SEMA3E: variants seen among roughly 807,000 people sequenced by gnomAD.
SEMA3E encodes the protein semaphorin-3E.
In SEMA3E, 49 loss-of-function variants were observed where a neutral mutation model predicts 93.6. That is an observed-to-expected ratio of 0.52 (90% confidence interval 0.42 to 0.66). The LOEUF is 0.66. Among genes scored for constraint, SEMA3E ranks in the 30% least tolerant of loss-of-function variants. The probability of loss-of-function intolerance (pLI) is 0.00; values close to 1 mark genes in which losing one functional copy is unlikely to be tolerated. For synonymous variants in SEMA3E, 363 were observed against 330.7 expected (o/e 1.10, Z -1.06); for missense variants, 906 against 964.8 (o/e 0.94, Z 0.81).
chr7:83,592,704 G>A (rs1333836921), intron 1 of SEMA3E, among the ~76,000 whole-genome samples: 1 of 152,102 alleles, frequency 6.6e-6, no homozygotes, highest in Non-Finnish European at 1.5e-5. Context: ...CTCAACTGAA[G>A]GTACCAAATT....
rs142140201 is a variant in SEMA3E, at chr7:83,374,098, C to T, written c.1876-6060G>A. Among the ~76,000 whole-genome samples, 20 of 149,298 alleles carry T rather than the reference C, an allele frequency of 1.3e-4. No homozygotes were observed. In the East Asian group the frequency reaches 3.6e-3, roughly 27 times the overall value. ...GCATATGGGTGTAAACCCAGCTACT[C>T]GGGAGGCTGAGGCAAGAGATTTGCT... On this transcript the variant is annotated intron_variant, in intron 16 of 16. Transcript: ENST00000643230.
chr7:83,564,402 AGAGT>A (rs1427701412), intron 1 of SEMA3E, among the ~76,000 whole-genome samples: 1 of 151,756 alleles, frequency 6.6e-6, no homozygotes, highest in African/African-American at 2.4e-5. Context: ...CCAAGGTGAC[AGAGT>A]GAGAGTCTGT....
At chr7:83,385,585 G>A in intron 15 of SEMA3E, 152 bp from the exon 16 acceptor site, 1 of 899,296 alleles carries the variant, frequency 1.1e-6, no homozygotes, top group Non-Finnish European at 1.8e-6. Context: ...TATTTAGAAA[G>A]AGTGGCATAC....
intron 1 of SEMA3E, among the ~76,000 whole-genome samples, chr7:83,514,924 G>C (rs1790896363): frequency 6.6e-6 from 1 of 151,890 alleles, no homozygotes; most frequent in African/African-American, 2.4e-5. Flanking sequence ...ATATATTTTA[G>C]CTACCTACAG....
At chr7:83,473,852 G>T (rs2371781) in intron 2 of SEMA3E, among the ~76,000 whole-genome samples, 15,696 of 152,070 alleles carry the variant, frequency 0.1, 926 homozygotes, top group East Asian at 0.21. Flanking sequence ...CCAGCACTTT[G>T]GGAGGCCGAG....
chr7:83,593,397 C>G (rs1417247947), intron 1 of SEMA3E, among the ~76,000 whole-genome samples: 1 of 151,266 alleles, frequency 6.6e-6, no homozygotes, highest in Non-Finnish European at 1.5e-5. Flanking sequence ...TGCTCTAACA[C>G]AGTCATTGTA....
rs190358692 is a variant in SEMA3E at position 83,480,267 on chromosome 7, T to G, written c.276+9847A>C. 1.5e-3 allele frequency among the ~76,000 whole-genome samples: 228 copies of G among 152,170 alleles called. 2 individuals are homozygous for G. Among genetic ancestry groups the G allele is most frequent in the African/African-American group, 5.1e-3 (213 of 41,520 alleles). On this transcript the variant is annotated intron_variant, in intron 2 of 16. Transcript: ENST00000643230. ...ACCAGCCTGGCCAACATGGTGAAACTGTCTCCACCAAAATTACAAAACAAA... is the reference window on the plus strand; with the variant it reads ...ACCAGCCTGGCCAACATGGTGAAACGGTCTCCACCAAAATTACAAAACAAA...
At chr7:83,376,964 T>A (rs1787655910) in intron 16 of SEMA3E, among the ~76,000 whole-genome samples, 1 of 151,998 alleles carries the variant, frequency 6.6e-6, no homozygotes, top group Non-Finnish European at 1.5e-5. Flanking sequence ...GGGCCAGCAG[T>A]TTTCTTGTCT....
chr7:83,451,564 G>A (rs1584257029), intron 4 of SEMA3E, among the ~76,000 whole-genome samples: 1 of 152,220 alleles, frequency 6.6e-6, no homozygotes, highest in East Asian at 1.9e-4. Context: ...TAGTACTTGA[G>A]TAGCAAATGC....
At chr7:83,433,645 T>C (rs942693869) in intron 4 of SEMA3E, among the ~76,000 whole-genome samples, 26 of 152,130 alleles carry the variant, frequency 1.7e-4, no homozygotes, top group Non-Finnish European at 4.4e-5. Context: ...GTACATTCTG[T>C]GTTCTACAAA....
At chr7:83,627,501 T>C (rs540134538) in intron 1 of SEMA3E, among the ~76,000 whole-genome samples, 158 of 152,242 alleles carry the variant, frequency 1.0e-3, no homozygotes, top group African/African-American at 3.4e-3. Context: ...TAGGTGCATA[T>C]ATATTTAGGA....
At position 83,406,065 on chromosome 7, in the gene SEMA3E, A is replaced by G; in HGVS notation, c.814-6T>C. 6.3e-7 allele frequency: 1 copy of G among 1,599,614 alleles called. No individual in the cohort carries two copies. The highest frequency in any genetic ancestry group is 8.6e-7 in the Non-Finnish European group (1 of 1,167,154). On this transcript the variant is annotated splice_polypyrimidine_tract_variant and splice_region_variant and intron_variant, in intron 7 of 16. Transcript: ENST00000643230. The stretch of plus-strand genomic sequence containing the variant: ...CTCTGCCCTCCTACATCATTCTGTG[A>G]AAACCAAAAAGGAGGTAAATAGTTA...
chr7:83,523,564 T>C (rs145394257), intron 1 of SEMA3E, among the ~76,000 whole-genome samples: 2 of 152,104 alleles, frequency 1.3e-5, no homozygotes, highest in Non-Finnish European at 2.9e-5. Flanking sequence ...CTCAGTGGCA[T>C]GTGCTTCTCT....
chr7:83,645,031 C>T (rs934253373), intron 1 of SEMA3E, among the ~76,000 whole-genome samples: 4 of 151,980 alleles, frequency 2.6e-5, no homozygotes, highest in Non-Finnish European at 5.9e-5. Flanking sequence ...TTTCCATGTA[C>T]ATCGGTATTT....
chr7:83,542,814 A>G (rs1791564753), intron 1 of SEMA3E, among the ~76,000 whole-genome samples: 1 of 152,144 alleles, frequency 6.6e-6, no homozygotes, highest in South Asian at 2.1e-4. Context: ...ATCTGCTTTC[A>G]TGATAAATTT....
chr7:83,440,430 T>C (rs2713172), intron 4 of SEMA3E, among the ~76,000 whole-genome samples: 92,774 of 151,982 alleles, frequency 0.61, 28,955 homozygotes, highest in East Asian at 0.87. Flanking sequence ...CTGTGGGGTA[T>C]TGTGATAAGC....
chr7:83,475,595 T>C (rs1189542512), intron 2 of SEMA3E, among the ~76,000 whole-genome samples: 1 of 152,094 alleles, frequency 6.6e-6, no homozygotes, highest in East Asian at 1.9e-4. Context: ...CATCACCCCC[T>C]GCAGGACCGG....
At chr7:83,459,314 A>C (rs2115850484) in intron 4 of SEMA3E, among the ~76,000 whole-genome samples, 1 of 152,314 alleles carries the variant, frequency 6.6e-6, no homozygotes, top group South Asian at 2.1e-4. Flanking sequence ...AAAACCACAA[A>C]GCAACTATTA....
intron 1 of SEMA3E, among the ~76,000 whole-genome samples, chr7:83,584,066 G>A (rs543526040): frequency 6.6e-6 from 1 of 152,216 alleles, no homozygotes; most frequent in South Asian, 2.1e-4. Context: ...ATCCAGTTGA[G>A]GTAGTGTTTT....
Sources: allele counts gnomAD v4.1 joint callset (sites outside exome capture counted in the v4.1 genomes callset), GRCh38; gene constraint gnomAD v4.1.1; transcripts MANE v1.5; gene names NCBI Gene and HGNC (gene_info 2026-07-23, HGNC 2026-07-21).